FAM110B: variants seen among roughly 807,000 people sequenced by gnomAD.
FAM110B encodes the protein protein FAM110B.
Under a neutral mutation model 20.4 loss-of-function variants are expected in FAM110B, and 6 were observed. That is an observed-to-expected ratio of 0.29 (90% CI 0.16 to 0.58). The LOEUF (loss-of-function observed/expected upper bound fraction) is 0.58. Ranked by LOEUF, FAM110B falls within the 20% of genes least tolerant of loss-of-function variation. The pLI, the probability that FAM110B is intolerant of heterozygous loss-of-function variation, is 0.90. For synonymous variants in FAM110B, 226 were observed against 214.1 expected, an observed-to-expected ratio of 1.06 and a Z score of -0.49; for missense variants, 434 against 498.2, an observed-to-expected ratio of 0.87 and a Z score of 1.23.
chr8:58,139,990 A>G (rs947193120), intron 3 of FAM110B, among the ~76,000 whole-genome samples: 5 of 152,208 alleles, frequency 3.3e-5, no homozygotes, highest in African/African-American at 1.2e-4. Flanking sequence ...ATGGAATGGC[A>G]TTGCTGTTGG....
intron 2 of FAM110B, among the ~76,000 whole-genome samples, chr8:58,033,354 G>T (rs1244078803): frequency 6.6e-6 from 1 of 152,162 alleles, no homozygotes; most frequent in African/African-American, 2.4e-5. Context: ...TAGTGCTGCA[G>T]TGAACATATA....
chr8:58,140,911 C>T (rs953791269), intron 3 of FAM110B, among the ~76,000 whole-genome samples: 4 of 152,186 alleles, frequency 2.6e-5, no homozygotes, highest in Non-Finnish European at 4.4e-5. Flanking sequence ...TTACCAAATG[C>T]ATTTTGAATC....
intron 1 of FAM110B, among the ~76,000 whole-genome samples, chr8:58,012,120 A>G (rs1193374908): frequency 6.6e-6 from 1 of 152,232 alleles, no homozygotes; most frequent in Admixed American, 6.5e-5. Context: ...AGAAAGATGA[A>G]CAGTCAACTT....
intron 3 of FAM110B, among the ~76,000 whole-genome samples, chr8:58,129,481 C>T (rs1239465513): frequency 1.3e-5 from 2 of 152,242 alleles, no homozygotes; most frequent in African/African-American, 4.8e-5. Flanking sequence ...AGTCAGCCAC[C>T]CCCTTCGGGG....
At chr8:58,068,385 C>A (rs980986924) in intron 2 of FAM110B, among the ~76,000 whole-genome samples, 2 of 152,256 alleles carry the variant, frequency 1.3e-5, no homozygotes, top group Middle Eastern at 3.4e-3. Context: ...ATTTATGGAC[C>A]ATGAGTTTCT....
chr8:58,021,252 C>A (rs1237053179), intron 1 of FAM110B, among the ~76,000 whole-genome samples: 1 of 152,138 alleles, frequency 6.6e-6, no homozygotes, highest in Non-Finnish European at 1.5e-5. Context: ...TCTAATTTTT[C>A]TTTTATCCAA....
intron 1 of FAM110B, among the ~76,000 whole-genome samples, chr8:57,995,360 T>A (rs969105993): frequency 6.6e-6 from 1 of 152,192 alleles, no homozygotes; most frequent in Non-Finnish European, 1.5e-5. Flanking sequence ...ATGTAGATTC[T>A]GAGGTTCCGA....
intron 2 of FAM110B, among the ~76,000 whole-genome samples, chr8:58,065,398 T>C (rs931807573): frequency 2.0e-5 from 3 of 152,190 alleles, no homozygotes; most frequent in Non-Finnish European, 4.4e-5. Flanking sequence ...CCAGGTACTT[T>C]AGGTAGTACA....
intron 3 of FAM110B, among the ~76,000 whole-genome samples, chr8:58,099,711 C>T (rs971580645): frequency 6.7e-6 from 1 of 150,032 alleles, no homozygotes; most frequent in Non-Finnish European, 1.5e-5. Context: ...GATATGAATA[C>T]TGTATGTATA....
At chr8:58,039,615 C>T (rs1416494332) in intron 2 of FAM110B, among the ~76,000 whole-genome samples, 1 of 152,210 alleles carries the variant, frequency 6.6e-6, no homozygotes, top group Non-Finnish European at 1.5e-5. Flanking sequence ...CCGCTCCTAT[C>T]TATGGGACAG....
intron 3 of FAM110B, among the ~76,000 whole-genome samples, chr8:58,109,537 C>G (rs1191939562): frequency 6.6e-6 from 1 of 151,488 alleles, no homozygotes; most frequent in Non-Finnish European, 1.5e-5. Flanking sequence ...TTCTTTTTTT[C>G]TTTTGGTTAC....
At chr8:58,082,588 TC>T (rs1368582974) in intron 3 of FAM110B, among the ~76,000 whole-genome samples, 1 of 152,232 alleles carries the variant, frequency 6.6e-6, no homozygotes, top group African/African-American at 2.4e-5. Flanking sequence ...TCTGTCTCTC[TC>T]TAATAGACTA....
At chr8:58,102,448 G>C (rs968225144) in intron 3 of FAM110B, among the ~76,000 whole-genome samples, 1 of 152,138 alleles carries the variant, frequency 6.6e-6, no homozygotes, top group Non-Finnish European at 1.5e-5. Context: ...CCGACTTTTG[G>C]TTCAGATTAT....
intron 1 of FAM110B, among the ~76,000 whole-genome samples, chr8:58,008,126 AT>A (rs71248160): frequency 0.017 from 1,981 of 115,990 alleles, 27 homozygotes; most frequent in Admixed American, 0.053. Flanking sequence ...AAAAGCTTGC[AT>A]TTTTTTTTTT....
intron 3 of FAM110B, among the ~76,000 whole-genome samples, chr8:58,130,843 C>T (rs1050036386): frequency 2.0e-5 from 3 of 152,156 alleles, no homozygotes; most frequent in African/African-American, 7.2e-5. Context: ...TTGCTTCTGC[C>T]AGATGTCTAG....
At chr8:58,033,604 A>G (rs1805015584) in intron 2 of FAM110B, among the ~76,000 whole-genome samples, 1 of 152,170 alleles carries the variant, frequency 6.6e-6, no homozygotes, top group African/African-American at 2.4e-5. Flanking sequence ...AGTGGGCAAA[A>G]GACATGCAGA....
chr8:58,122,234 A>G (rs969081995), intron 3 of FAM110B, among the ~76,000 whole-genome samples: 7 of 152,126 alleles, frequency 4.6e-5, no homozygotes, highest in African/African-American at 1.7e-4. Flanking sequence ...ATTTTTCTCT[A>G]GAAGCTTTTA....
intron 2 of FAM110B, among the ~76,000 whole-genome samples, chr8:58,047,034 G>A (rs1237231149): frequency 6.6e-6 from 1 of 152,212 alleles, no homozygotes; most frequent in African/African-American, 2.4e-5. Context: ...TCAAAGCAAA[G>A]AAAGTTGGAT....
chr8:58,110,876 A>G (rs187107832), intron 3 of FAM110B, among the ~76,000 whole-genome samples: 1 of 152,326 alleles, frequency 6.6e-6, no homozygotes, highest in East Asian at 1.9e-4. Flanking sequence ...TCTTAAATAT[A>G]AAAGTTTGTC....
Sources: allele counts gnomAD v4.1 joint callset (sites outside exome capture counted in the v4.1 genomes callset), GRCh38; gene constraint gnomAD v4.1.1; transcripts MANE v1.5; gene names NCBI Gene and HGNC (gene_info 2026-07-23, HGNC 2026-07-21).